ULK4: variants seen among roughly 807,000 people sequenced by gnomAD.
ULK4 encodes inactive serine/threonine-protein kinase ULK4.
Under a neutral mutation model 160.6 loss-of-function variants are expected in ULK4, and 133 were observed. The ratio of observed to expected loss-of-function variants is 0.83; its 90% CI spans 0.72 to 0.96. The LOEUF (loss-of-function observed/expected upper bound fraction) is 0.96, where lower values mean the gene tolerates loss of function less well. Among genes scored for constraint, ULK4 ranks in the 40% least tolerant of loss-of-function variants. The pLI is 0.00. For synonymous variants in ULK4, 534 were observed against 539.8 expected (o/e 0.99, Z 0.15); for missense variants, 1,580 against 1,499.5 (o/e 1.05, Z -0.89).
At chr3:41,594,647 G>C (rs952054042) in intron 31 of ULK4, among the ~76,000 whole-genome samples, 1 of 152,228 alleles carries the variant, frequency 6.6e-6, no homozygotes, top group African/African-American at 2.4e-5. Flanking sequence ...GACAGAAGTG[G>C]TGCTTTATAG....
At chr3:41,498,918 T>C (rs916715656) in intron 32 of ULK4, among the ~76,000 whole-genome samples, 5 of 152,068 alleles carry the variant, frequency 3.3e-5, no homozygotes, top group African/African-American at 1.2e-4. Flanking sequence ...TAAAGATTAA[T>C]GTAACTGATA....
chr3:41,658,465 C>T (rs1390363750), intron 30 of ULK4, among the ~76,000 whole-genome samples: 1 of 152,150 alleles, frequency 6.6e-6, no homozygotes, highest in African/African-American at 2.4e-5. Context: ...ATTTATGGTG[C>T]ACATATATTC....
intron 27 of ULK4, among the ~76,000 whole-genome samples, chr3:41,683,514 A>G (rs9864051): frequency 0.2 from 30,025 of 150,964 alleles, 7,874 homozygotes; most frequent in African/African-American, 0.61. Flanking sequence ...GCACTGCTAC[A>G]ACTGGTGAGT....
intron 30 of ULK4, among the ~76,000 whole-genome samples, chr3:41,629,657 C>A (rs1487138096): frequency 6.6e-6 from 1 of 152,044 alleles, no homozygotes; most frequent in East Asian, 1.9e-4. Context: ...AAAATATGAT[C>A]TACTACAGTA....
intron 31 of ULK4, among the ~76,000 whole-genome samples, chr3:41,590,721 A>T (rs1215059311): frequency 6.6e-6 from 1 of 151,904 alleles, no homozygotes; most frequent in Admixed American, 6.6e-5. Flanking sequence ...CACAACAGAC[A>T]AAAAGGCCAG....
chr3:41,344,782 T>C (rs1413609295), intron 35 of ULK4, among the ~76,000 whole-genome samples: 1 of 116,784 alleles, frequency 8.6e-6, no homozygotes, highest in African/African-American at 3.4e-5. Flanking sequence ...AAGGCAAAAA[T>C]TGACAAATGG....
chr3:41,656,531 GT>G (rs1159611233), intron 30 of ULK4, among the ~76,000 whole-genome samples: 1 of 152,062 alleles, frequency 6.6e-6, no homozygotes, highest in Non-Finnish European at 1.5e-5. Context: ...CTTTCTTATC[GT>G]TGATTTTTGT....
intron 27 of ULK4, among the ~76,000 whole-genome samples, chr3:41,694,555 A>G (rs774633924): frequency 2.0e-5 from 3 of 152,158 alleles, no homozygotes; most frequent in Non-Finnish European, 4.4e-5. Flanking sequence ...AATGCTGAGT[A>G]TAGTTGGGCC....
intron 34 of ULK4, among the ~76,000 whole-genome samples, chr3:41,406,062 T>C (rs552890854): frequency 6.6e-6 from 1 of 152,174 alleles, no homozygotes; most frequent in Non-Finnish European, 1.5e-5. Flanking sequence ...TCCAGAGGGG[T>C]GTTTCCTAGG....
chr3:41,494,780 C>T (rs2084924696), intron 32 of ULK4, among the ~76,000 whole-genome samples: 2 of 152,044 alleles, frequency 1.3e-5, no homozygotes, highest in South Asian at 4.2e-4. Flanking sequence ...TTCTTATACA[C>T]CAATAACAGA....
chr3:41,896,635 T>C (rs985454253), intron 15 of ULK4, among the ~76,000 whole-genome samples, 187 bp downstream of exon 15: 1 of 152,176 alleles, frequency 6.6e-6, no homozygotes, highest in African/African-American at 2.4e-5. Context: ...CAAAATAAGT[T>C]CAAAATCACC....
intron 19 of ULK4, among the ~76,000 whole-genome samples, chr3:41,815,469 CT>C (rs138981457): frequency 6.6e-6 from 1 of 151,972 alleles, no homozygotes; most frequent in Non-Finnish European, 1.5e-5. Context: ...TACGATTTCA[CT>C]TTTTTTTACT....
intron 35 of ULK4, among the ~76,000 whole-genome samples, chr3:41,368,301 G>A (rs1274768967): frequency 1.3e-5 from 2 of 151,904 alleles, no homozygotes; most frequent in African/African-American, 2.4e-5. Flanking sequence ...CACCCAACTC[G>A]GCCTCCCAAA....
intron 5 of ULK4, among the ~76,000 whole-genome samples, chr3:41,921,502 C>T (rs1360222476): frequency 2.6e-5 from 4 of 152,112 alleles, no homozygotes; most frequent in African/African-American, 9.7e-5. Context: ...GTAGTCCCAG[C>T]TACTCAGGAG....
intron 34 of ULK4, among the ~76,000 whole-genome samples, chr3:41,443,123 CA>C (rs2083210198): frequency 6.6e-6 from 1 of 152,112 alleles, no homozygotes; most frequent in South Asian, 2.1e-4. Context: ...TCCTTTTCAT[CA>C]AAACCACCCT....
intron 20 of ULK4, among the ~76,000 whole-genome samples, chr3:41,797,387 T>A (rs1408009043): frequency 1.3e-5 from 2 of 152,144 alleles, no homozygotes; most frequent in Non-Finnish European, 2.9e-5. Context: ...CCCAGAGGTA[T>A]CTGGTACAGT....
chr3:41,291,447 GA>G (rs1315402987), intron 35 of ULK4, among the ~76,000 whole-genome samples: 1 of 114,786 alleles, frequency 8.7e-6, no homozygotes, highest in Non-Finnish European at 1.8e-5. Flanking sequence ...AGAAGGAGGA[GA>G]GGGGAGGGAA....
intron 35 of ULK4, among the ~76,000 whole-genome samples, chr3:41,331,414 G>C (rs2080440532): frequency 6.6e-6 from 1 of 152,142 alleles, no homozygotes; most frequent in Non-Finnish European, 1.5e-5. Flanking sequence ...TGCAATTACA[G>C]AATAAAACCT....
intron 32 of ULK4, among the ~76,000 whole-genome samples, chr3:41,493,695 CAA>C (rs1199655981): frequency 1.3e-5 from 2 of 149,812 alleles, no homozygotes; most frequent in South Asian, 2.1e-4. Flanking sequence ...GACTAATAAA[CAA>C]AAAAAGAGAT....
Sources: gnomAD v4.1 joint callset for allele counts (sites outside exome capture counted in the v4.1 genomes callset) on GRCh38, gnomAD v4.1.1 for gene constraint, MANE v1.5 for transcripts, NCBI Gene and HGNC (gene_info 2026-07-23, HGNC 2026-07-21) for gene names.